PLS3: variants seen among roughly 807,000 people sequenced by gnomAD.
PLS3 encodes the protein plastin 3.
Under a neutral mutation model 46.5 loss-of-function variants are expected in PLS3, and 11 were observed. The ratio of observed to expected loss-of-function variants is 0.24; its 90% CI spans 0.15 to 0.39. The LOEUF (loss-of-function observed/expected upper bound fraction) is 0.39, where lower values mean the gene tolerates loss of function less well. Ranked by LOEUF, PLS3 falls within the 10% of genes least tolerant of loss-of-function variation. The pLI, the probability that PLS3 is intolerant of heterozygous loss-of-function variation, is 1.00. For synonymous variants in PLS3, 167 were observed against 162.2 expected (o/e 1.03, Z -0.22); for missense variants, 308 against 461.8 (o/e 0.67, Z 3.05).
At chrX:115,642,451 G>C (rs782455415) in intron 9 of PLS3, among the ~76,000 whole-genome samples, 1 of 111,452 alleles carries the variant, frequency 9.0e-6, no homozygotes, top group African/African-American at 3.3e-5. Context: ...GAAGGTGTCT[G>C]TCTTCTCCCT....
chrX:115,640,156 T>A, intron 8 of PLS3: 1 of 1,033,954 alleles, frequency 9.7e-7, no homozygotes, highest in South Asian at 2.1e-5. Flanking sequence ...TGGTTATATG[T>A]TTATTAGCAT....
intron 13 of PLS3, 23 bp from the exon 14 acceptor site, chrX:115,647,527 T>A: frequency 8.4e-7 from 1 of 1,192,783 alleles, no homozygotes. Flanking sequence ...GATGGTGACG[T>A]TTTCTTCTGC....
At chrX:115,617,506 T>C (rs782559162) in intron 2 of PLS3, among the ~76,000 whole-genome samples, 1 of 112,376 alleles carries the variant, frequency 8.9e-6, no homozygotes, top group Admixed American at 9.4e-5. Flanking sequence ...GATTAGAGCA[T>C]TCTTTCTTTG....
chrX:115,579,856 C>T (rs2074270373), intron 1 of PLS3, among the ~76,000 whole-genome samples: 1 of 110,751 alleles, frequency 9.0e-6, no homozygotes, highest in South Asian at 3.9e-4. Context: ...CCTAAGCCTC[C>T]CAAGTAGCTG....
intron 1 of PLS3, among the ~76,000 whole-genome samples, chrX:115,569,596 G>A (rs1269329715): frequency 1.8e-5 from 2 of 111,733 alleles, no homozygotes; most frequent in Admixed American, 9.5e-5. Context: ...TCAGTATATG[G>A]CGATTGCTTA....
At chrX:115,576,452 T>C (rs2074249537) in intron 1 of PLS3, among the ~76,000 whole-genome samples, 1 of 111,588 alleles carries the variant, frequency 9.0e-6, no homozygotes, top group Non-Finnish European at 1.9e-5. Flanking sequence ...GCGCCTATAG[T>C]CCCAGCTACT....
chrX:115,641,516 C>T (rs1165810451), intron 9 of PLS3, among the ~76,000 whole-genome samples: 1 of 110,828 alleles, frequency 9.0e-6, no homozygotes, highest in Non-Finnish European at 1.9e-5. Flanking sequence ...TGTGAGCCAC[C>T]GTGCCTTACG....
chrX:115,638,405 G>A (rs1556640554), intron 8 of PLS3, among the ~76,000 whole-genome samples: 4 of 111,200 alleles, frequency 3.6e-5, no homozygotes, highest in African/African-American at 9.8e-5. Flanking sequence ...CACTGTGCCC[G>A]GCCTGATTTT....
rs186212591 is a variant in PLS3, at chrX:115,648,035, T to C, written c.1760+18T>C. 187 of 1,129,152 alleles carry C rather than the reference T, an allele frequency of 1.7e-4. No homozygotes were observed. In the East Asian group the frequency reaches 3.3e-3, roughly 20 times the overall value. The allele number at this position is 1,129,152 out of a possible 1,213,427, so 93.1% of individuals were successfully genotyped here. A position where few individuals can be genotyped will look rare whatever the true frequency, so the allele number is the denominator to read the frequency against. ...AATGCCAAGTAAGGGAGACTGCTAATAGTATGAAAAGAACGCAGCTTTGTA... is the reference window on the plus strand; with the variant it reads ...AATGCCAAGTAAGGGAGACTGCTAACAGTATGAAAAGAACGCAGCTTTGTA... On this transcript the variant is annotated intron_variant, in intron 15 of 15. Coordinates refer to ENST00000355899, the MANE Select transcript of PLS3 (RefSeq NM_005032.7).
chrX:115,620,219 C>G (rs2074635337), intron 2 of PLS3, among the ~76,000 whole-genome samples: 1 of 110,053 alleles, frequency 9.1e-6, no homozygotes, highest in African/African-American at 3.3e-5. Flanking sequence ...CCGACCTTAT[C>G]TCTCATTTTC....
At chrX:115,630,914 T>A (rs910724796) in intron 5 of PLS3, among the ~76,000 whole-genome samples, 1 of 96,255 alleles carries the variant, frequency 1.0e-5, no homozygotes, top group Non-Finnish European at 2.0e-5. Context: ...TATACATGTA[T>A]ATATGTATAT....
chrX:115,647,537 C>A lies in PLS3; in HGVS notation c.1512-13C>A. 8.3e-7 allele frequency: 1 copy of A among 1,197,723 alleles called. No homozygotes were observed. Among genetic ancestry groups the A allele is most frequent in the Non-Finnish European group, 1.1e-6 (1 of 886,414 alleles). ...AAGTAGATGGTGACGTTTTCTTCTG[C>A]TGCCTCTCTTAGATATACCCTCAAT... On this transcript the variant is annotated splice_polypyrimidine_tract_variant and intron_variant, in intron 13 of 15. Transcript: ENST00000355899.
At chrX:115,593,309 C>T (rs1556633374) in intron 1 of PLS3, among the ~76,000 whole-genome samples, 1 of 108,870 alleles carries the variant, frequency 9.2e-6, no homozygotes, top group African/African-American at 3.3e-5. Flanking sequence ...ACTTTAAATT[C>T]CCCTGAGTCC....
At chrX:115,584,716 C>A (rs1603222879) in intron 1 of PLS3, among the ~76,000 whole-genome samples, 1 of 111,572 alleles carries the variant, frequency 9.0e-6, no homozygotes, top group Non-Finnish European at 1.9e-5. Context: ...AATGTAAAGT[C>A]GTGGCATTTG....
Position 115,626,446 on chromosome X carries a change from G to A in PLS3, c.238-2752G>A, listed in dbSNP as rs376567465. Among the ~76,000 whole-genome samples the A allele has an allele frequency of 1.7e-4, 18 of 108,973 alleles. No individual in the cohort carries two copies. In the South Asian group the frequency reaches 3.6e-3, roughly 22 times the overall value. 94.6% of individuals were successfully genotyped at this position (108,973 alleles called of 115,157 possible). A position where few individuals can be genotyped will look rare whatever the true frequency, so the allele number is the denominator to read the frequency against. On this transcript the variant is annotated intron_variant, in intron 3 of 15. Transcript: ENST00000355899. ...ATTACAGGCATGCGCCACCACGACCGGCTAATTTTGTGTTTTTAGTAGAGA... is the reference window on the plus strand; with the variant it reads ...ATTACAGGCATGCGCCACCACGACCAGCTAATTTTGTGTTTTTAGTAGAGA...
intron 7 of PLS3, among the ~76,000 whole-genome samples, 161 bp downstream of exon 7, chrX:115,635,207 A>C (rs966028161): frequency 2.7e-5 from 3 of 111,353 alleles, no homozygotes; most frequent in Non-Finnish European, 5.7e-5. Flanking sequence ...TAATTACATG[A>C]CTCTCTTCTT....
chrX:115,601,496 G>GGGGGAA (rs2074443513), intron 1 of PLS3, among the ~76,000 whole-genome samples: 1 of 108,685 alleles, frequency 9.2e-6, no homozygotes, highest in African/African-American at 3.3e-5. Context: ...GGTTGGGGGA[G>GGGGGAA]GGGGAAGGGA....
At chrX:115,635,196 C>T (rs1470878040) in intron 7 of PLS3, 150 bp downstream of exon 7, 1 of 457,870 alleles carries the variant, frequency 2.2e-6, no homozygotes, top group African/African-American at 2.4e-5. Flanking sequence ...GGAAAATAGC[C>T]TAATTACATG....
At chrX:115,603,033 A>G (rs147128893) in intron 1 of PLS3, among the ~76,000 whole-genome samples, 2,661 of 111,161 alleles carry the variant, frequency 0.024, 33 homozygotes, top group Middle Eastern at 0.056. Context: ...GAGATAAAAT[A>G]GGCACCCCCG....
Sources: gnomAD v4.1 joint callset for allele counts (sites outside exome capture counted in the v4.1 genomes callset) on GRCh38, gnomAD v4.1.1 for gene constraint, MANE v1.5 for transcripts, NCBI Gene and HGNC (gene_info 2026-07-23, HGNC 2026-07-21) for gene names.